Variants in SGCZ observed in about 807,000 individuals in gnomAD.
SGCZ encodes zeta-sarcoglycan.
SGCZ carries 40 observed loss-of-function variants against 41.3 expected under a neutral mutation model. The observed-to-expected ratio is 0.97, with a 90% CI of 0.75 to 1.26. SGCZ has a LOEUF of 1.26. Among genes scored for constraint, SGCZ ranks in the 50% most tolerant of loss-of-function variants. SGCZ has a pLI of 0.00. For synonymous variants in SGCZ, 206 were observed against 137.5 expected (o/e 1.50, Z -3.49); for missense variants, 552 against 369.8 (o/e 1.49, Z -4.04).
chr8:14,322,632 A>G (rs1801964138), intron 3 of SGCZ, among the ~76,000 whole-genome samples: 1 of 152,148 alleles, frequency 6.6e-6, no homozygotes, highest in African/African-American at 2.4e-5. Flanking sequence ...TAGCGACTAC[A>G]AATGAACCTA....
At chr8:14,263,881 A>G (rs1228658831) in intron 3 of SGCZ, among the ~76,000 whole-genome samples, 1 of 152,226 alleles carries the variant, frequency 6.6e-6, no homozygotes, top group Non-Finnish European at 1.5e-5. Flanking sequence ...GCGAGAGGGA[A>G]GTAATTGCAG....
chr8:14,169,659 C>A (rs148567251), intron 4 of SGCZ, among the ~76,000 whole-genome samples: 1 of 152,104 alleles, frequency 6.6e-6, no homozygotes, highest in Non-Finnish European at 1.5e-5. Flanking sequence ...GGCTATCTTT[C>A]GCTAGTAATT....
At position 15,071,790 on chromosome 8, in the gene SGCZ, C is replaced by CA. The variant is rs200462089; in HGVS notation, c.39+165794dup. 5.9e-3 allele frequency among the ~76,000 whole-genome samples: 890 copies of CA among 151,396 alleles called. 8 individuals are homozygous for CA. The highest frequency in any genetic ancestry group is 0.02 in the African/African-American group (838 of 41,248). Reference sequence around the variant, plus strand: ...GGTATGACCTGAGTGACTCTTCCCACAAAAAAAAGCTTAGGAAGATGGTAG... The same window carrying CA: ...GGTATGACCTGAGTGACTCTTCCCACAAAAAAAAAGCTTAGGAAGATGGTAG... On this transcript the variant is annotated intron_variant, in intron 1 of 7. Coordinates refer to ENST00000382080, the MANE Select transcript of SGCZ (RefSeq NM_139167.4).
intron 2 of SGCZ, among the ~76,000 whole-genome samples, chr8:14,365,859 G>C (rs1259194620): frequency 1.3e-5 from 2 of 151,860 alleles, no homozygotes; most frequent in African/African-American, 4.8e-5. Context: ...TGATTATATT[G>C]ATTTCCTTGT....
At chr8:14,891,427 A>C (rs1805015070) in intron 1 of SGCZ, among the ~76,000 whole-genome samples, 1 of 152,198 alleles carries the variant, frequency 6.6e-6, no homozygotes, top group African/African-American at 2.4e-5. Context: ...GAAAATGCAA[A>C]ATAACTAGAA....
intron 1 of SGCZ, among the ~76,000 whole-genome samples, chr8:15,045,713 C>T (rs1009715325): frequency 6.6e-6 from 1 of 152,090 alleles, no homozygotes. Context: ...AAAACAGATT[C>T]TCTCATCAGA....
Position 14,800,695 on chromosome 8 carries a change from G to C in SGCZ, c.40-245769C>G, listed in dbSNP as rs1361085933. ...GTGCTTTGCTTCCCTTTCCCCTTCT[G>C]CCATGATTGTAAGTTTCCTGAGGCC... On this transcript the variant is annotated intron_variant, in intron 1 of 7. Coordinates refer to ENST00000382080, the MANE Select transcript of SGCZ (RefSeq NM_139167.4). Among the ~76,000 whole-genome samples the C allele has an allele frequency of 1.3e-5, 2 of 151,994 alleles. 1 individual carries two copies. Among genetic ancestry groups the C allele is most frequent in the South Asian group, 4.1e-4 (2 of 4,826 alleles).
intron 1 of SGCZ, among the ~76,000 whole-genome samples, chr8:15,069,543 A>G (rs1017789451): frequency 6.6e-6 from 1 of 152,140 alleles, no homozygotes; most frequent in African/African-American, 2.4e-5. Context: ...TACTGGCCCA[A>G]TATGTTTGGG....
At position 14,890,451 on chromosome 8, in the gene SGCZ, A is replaced by T. The variant is rs1371529341; in HGVS notation, c.40-335525T>A. 1.3e-5 allele frequency among the ~76,000 whole-genome samples: 2 copies of T among 152,178 alleles called. 1 individual carries two copies. The highest frequency in any genetic ancestry group is 3.9e-4 in the East Asian group (2 of 5,180). On this transcript the variant is annotated intron_variant, in intron 1 of 7. Coordinates refer to ENST00000382080, the MANE Select transcript of SGCZ (RefSeq NM_139167.4). ...TCAGCCCCAACACTCCCCTAAGCGA[A>T]AGCCTATTCAAGTGCAAAGCCCTGA... is the stretch of plus-strand genomic sequence containing the variant.
chr8:14,192,005 T>C (rs569577086), intron 4 of SGCZ, among the ~76,000 whole-genome samples: 60 of 152,152 alleles, frequency 3.9e-4, no homozygotes, highest in African/African-American at 1.3e-3. Flanking sequence ...GGTCACACTT[T>C]GTATAAACAT....
At chr8:15,127,921 C>A (rs977332088) in intron 1 of SGCZ, among the ~76,000 whole-genome samples, 4 of 152,094 alleles carry the variant, frequency 2.6e-5, no homozygotes, top group African/African-American at 9.7e-5. Flanking sequence ...TATTTCCTTC[C>A]TAAATTTAAC....
chr8:14,363,243 G>GCTATTTTT (rs1803590774), intron 2 of SGCZ, among the ~76,000 whole-genome samples: 1 of 152,200 alleles, frequency 6.6e-6, no homozygotes, highest in African/African-American at 2.4e-5. Flanking sequence ...TTCATACCGT[G>GCTATTTTT]CTATTTTTCT....
intron 2 of SGCZ, among the ~76,000 whole-genome samples, chr8:14,326,811 G>A (rs1231980300): frequency 6.6e-6 from 1 of 152,044 alleles, no homozygotes; most frequent in African/African-American, 2.4e-5. Context: ...AATAAAAAGT[G>A]GCTCAGATTT....
chr8:14,809,422 T>A (rs28711973), intron 1 of SGCZ, among the ~76,000 whole-genome samples: 19,284 of 152,060 alleles, frequency 0.13, 1,868 homozygotes, highest in African/African-American at 0.26. Context: ...TATGAAATGG[T>A]CTTTGCCTTG....
chr8:14,895,182 A>C (rs530711140), intron 1 of SGCZ, among the ~76,000 whole-genome samples: 1 of 152,180 alleles, frequency 6.6e-6, no homozygotes, highest in Non-Finnish European at 1.5e-5. Context: ...GATTTTATTA[A>C]TAACAGTTGT....
intron 7 of SGCZ, among the ~76,000 whole-genome samples, chr8:14,091,894 T>A (rs1801699671): frequency 6.6e-6 from 1 of 152,182 alleles, no homozygotes; most frequent in Admixed American, 6.6e-5. Flanking sequence ...TGCCCATGCC[T>A]ATGTCCTGAA....
intron 1 of SGCZ, among the ~76,000 whole-genome samples, chr8:14,732,561 C>A (rs972461840): frequency 6.8e-6 from 1 of 148,148 alleles, no homozygotes. Context: ...GAATGCTAAG[C>A]CCCTCACACT....
chr8:15,186,347 A>G (rs904648568), intron 1 of SGCZ, among the ~76,000 whole-genome samples: 5 of 150,322 alleles, frequency 3.3e-5, no homozygotes, highest in Non-Finnish European at 7.4e-5. Context: ...TAGTCTCCAA[A>G]TATAACGCTG....
chr8:14,154,809 A>T (rs1413986231), intron 5 of SGCZ, among the ~76,000 whole-genome samples: 1 of 152,142 alleles, frequency 6.6e-6, no homozygotes, highest in African/African-American at 2.4e-5. Flanking sequence ...AGGTACATGG[A>T]TGGGCCACAT....
Sources: allele counts gnomAD v4.1 joint callset (sites outside exome capture counted in the v4.1 genomes callset), GRCh38; gene constraint gnomAD v4.1.1; transcripts MANE v1.5; gene names NCBI Gene and HGNC (gene_info 2026-07-23, HGNC 2026-07-21).